Variants in MAP3K15 observed in about 807,000 individuals in gnomAD.
MAP3K15 encodes mitogen-activated protein kinase kinase kinase 15.
A neutral mutation model predicts 99.5 loss-of-function variants in MAP3K15; 124 were observed. The ratio of observed to expected loss-of-function variants is 1.25; its 90% CI spans 1.08 to 1.45. MAP3K15 has a LOEUF of 1.45. Ranked by LOEUF, MAP3K15 falls within the 40% of genes most tolerant of loss-of-function variation. MAP3K15 has a pLI of 0.00. For synonymous variants in MAP3K15, 494 were observed against 439.6 expected, an observed-to-expected ratio of 1.12 and a Z score of -1.55; for missense variants, 1,242 against 1,079.7, an observed-to-expected ratio of 1.15 and a Z score of -2.11.
At chrX:19,504,691 C>A (rs916858934) in intron 1 of MAP3K15, among the ~76,000 whole-genome samples, 11 of 111,781 alleles carry the variant, frequency 9.8e-5, no homozygotes, top group African/African-American at 3.6e-4. Flanking sequence ...AGGCTGGGCA[C>A]GGTGGGTCAT....
chrX:19,372,818 G>A lies in MAP3K15; in HGVS notation c.2943C>T (p.Asp981=), dbSNP rs374233848. The A allele has an allele frequency of 1.1e-4, 130 of 1,205,944 alleles. No individual in the cohort carries two copies. Among genetic ancestry groups the A allele is most frequent in the Middle Eastern group, 2.3e-4 (1 of 4,347 alleles). The change falls in exon 22 of 29, where the codon GAC becomes GAT. Residue 981 remains aspartate (D), a synonymous_variant. Transcript: ENST00000338883. ...HHLGHLLSVP[D]ESSALEDRGL... is the part of the protein sequence containing the mutation. ...CCCGGTCTTCCAAGGCTGAGCTCTCGTCTGGAACACTGTGGACAAACACGT... is the reference window on the plus strand; with the variant it reads ...CCCGGTCTTCCAAGGCTGAGCTCTCATCTGGAACACTGTGGACAAACACGT...
intron 1 of MAP3K15, among the ~76,000 whole-genome samples, chrX:19,513,903 C>T (rs2064538056): frequency 9.1e-6 from 1 of 110,102 alleles, no homozygotes. Context: ...CCAAAGTACG[C>T]TTCTTAAGGC....
At chrX:19,422,168 A>G (rs2063792931) in intron 9 of MAP3K15, among the ~76,000 whole-genome samples, 1 of 110,219 alleles carries the variant, frequency 9.1e-6, no homozygotes, top group African/African-American at 3.3e-5. Context: ...ACAAAAGCCA[A>G]AATTGACAAA....
chrX:19,492,353 A>G (rs2064373748), intron 1 of MAP3K15, among the ~76,000 whole-genome samples: 1 of 111,188 alleles, frequency 9.0e-6, no homozygotes. Flanking sequence ...ATATATCACT[A>G]AAAGATGAGA....
intron 7 of MAP3K15, among the ~76,000 whole-genome samples, chrX:19,428,362 T>C (rs1157316521): frequency 2.7e-5 from 3 of 111,806 alleles, no homozygotes; most frequent in Non-Finnish European, 3.8e-5. Context: ...GGGACTGAAT[T>C]CCCCACCACC....
chrX:19,383,473 A>G (rs1250871186), intron 18 of MAP3K15, among the ~76,000 whole-genome samples: 1 of 112,188 alleles, frequency 8.9e-6, no homozygotes, highest in Admixed American at 9.5e-5. Context: ...ATTGAAGCCT[A>G]TTTAGTCTGC....
At chrX:19,420,768 A>C (rs1463021166) in intron 9 of MAP3K15, among the ~76,000 whole-genome samples, 1 of 109,679 alleles carries the variant, frequency 9.1e-6, no homozygotes, top group Middle Eastern at 4.3e-3. Flanking sequence ...GATGAACATC[A>C]ATGCAAAAAT....
intron 12 of MAP3K15, among the ~76,000 whole-genome samples, chrX:19,409,355 C>T (rs1326769622): frequency 8.9e-6 from 1 of 111,926 alleles, no homozygotes; most frequent in Non-Finnish European, 1.9e-5. Flanking sequence ...CACAGCCAGT[C>T]TCACCCTCGA....
intron 3 of MAP3K15, among the ~76,000 whole-genome samples, chrX:19,475,903 C>T (rs754501116): frequency 2.7e-5 from 3 of 111,903 alleles, no homozygotes; most frequent in African/African-American, 9.7e-5. Flanking sequence ...CCTTCTTTTC[C>T]GCAGGCACCC....
chrX:19,502,703 G>C (rs5955803), intron 1 of MAP3K15, among the ~76,000 whole-genome samples: 30,536 of 110,641 alleles, frequency 0.28, 4,483 homozygotes, highest in African/African-American at 0.57. Context: ...TGCCTGTAAT[G>C]CCAGCTACTC....
chrX:19,436,387 CA>C, intron 6 of MAP3K15, among the ~76,000 whole-genome samples: 1 of 110,549 alleles, frequency 9.0e-6, no homozygotes, highest in East Asian at 2.8e-4. Flanking sequence ...ATCTGATTTG[CA>C]GGACACCACA....
intron 9 of MAP3K15, among the ~76,000 whole-genome samples, chrX:19,424,811 TA>T (rs1408036347): frequency 2.8e-5 from 3 of 107,161 alleles, no homozygotes; most frequent in African/African-American, 6.8e-5. Context: ...CATGCCTGGC[TA>T]TTTTTTTTTT....
chrX:19,388,138 C>A (rs1001924948), intron 18 of MAP3K15, among the ~76,000 whole-genome samples: 1 of 111,865 alleles, frequency 8.9e-6, no homozygotes, highest in African/African-American at 3.3e-5. Context: ...AGGACCAGAG[C>A]GTTGATCAGT....
At chrX:19,492,436 T>C (rs1242772894) in intron 1 of MAP3K15, among the ~76,000 whole-genome samples, 3 of 111,547 alleles carry the variant, frequency 2.7e-5, no homozygotes, top group Non-Finnish European at 5.6e-5. Context: ...GAGAGTTTTT[T>C]AGCAGGAGAC....
rs147058809 is a variant in MAP3K15 at position 19,373,565 on chromosome X, C to T, written c.2904G>A (p.Ala968=). 10 of 1,173,012 alleles carry T rather than the reference C, an allele frequency of 8.5e-6. No individual in the cohort carries two copies. Among genetic ancestry groups the T allele is most frequent in the Non-Finnish European group, 1.1e-5 (10 of 875,939 alleles). Reference sequence around the variant, plus strand: ...GGAGGTGGCCAAGGTGGTGCCTGGGCGCCCGGGTCCTCTCAAAGAGTGCGT... The same window carrying T: ...GGAGGTGGCCAAGGTGGTGCCTGGGTGCCCGGGTCCTCTCAAAGAGTGCGT... ...QPDALFERTR[A]PRHHLGHLLS... The change falls in exon 21 of 29, where the codon GCG becomes GCA. Residue 968 remains alanine (A), a synonymous_variant. Coordinates refer to ENST00000338883, the MANE Select transcript of MAP3K15 (RefSeq NM_001001671.4).
At chrX:19,506,080 C>T (rs1365785560) in intron 1 of MAP3K15, among the ~76,000 whole-genome samples, 1 of 110,597 alleles carries the variant, frequency 9.0e-6, no homozygotes, top group Non-Finnish European at 1.9e-5. Flanking sequence ...TTACAGGTGC[C>T]TGCCACAACG....
At chrX:19,514,384 T>G (rs2064541366) in intron 1 of MAP3K15, among the ~76,000 whole-genome samples, 1 of 101,529 alleles carries the variant, frequency 9.8e-6, no homozygotes. Flanking sequence ...GGCTGTTTCT[T>G]GGGTTATCTG....
intron 26 of MAP3K15, among the ~76,000 whole-genome samples, chrX:19,362,245 T>TC (rs2063296239): frequency 9.7e-6 from 1 of 103,135 alleles, no homozygotes; most frequent in African/African-American, 3.6e-5. Flanking sequence ...TTTTTTTTTT[T>TC]TTTTTTGAGA....
rs138497684 is a variant in MAP3K15, at chrX:19,395,090, C to A, written c.2185G>T (p.Val729Leu). The change falls in exon 16 of 29, where the codon GTG (valine) becomes TTG (leucine). Residue 729 changes from valine (V) to leucine (L), a missense_variant. Val to Leu is a conservative substitution (Grantham distance 32). Transcript: ENST00000338883. Reference protein sequence around the residue: ...NGYIKIFMEQVPGGSLSALLR... With the variant: ...NGYIKIFMEQLPGGSLSALLR... ...GACAGCGACTACTCACCTCCAGGCA[C>A]CTGCTCCATAAATATCTTAATGTAG... The A allele has an allele frequency of 1.7e-6, 2 of 1,205,196 alleles. No individual in the cohort carries two copies. Among genetic ancestry groups the A allele is most frequent in the Non-Finnish European group, 1.1e-6 (1 of 892,812 alleles).
Sources: allele counts gnomAD v4.1 joint callset (sites outside exome capture counted in the v4.1 genomes callset), GRCh38; gene constraint gnomAD v4.1.1; transcripts MANE v1.5; gene names NCBI Gene and HGNC (gene_info 2026-07-23, HGNC 2026-07-21).